Variants in ERC2 observed in about 807,000 individuals in gnomAD.
The protein encoded by ERC2 is ERC protein 2.
ERC2 carries 42 observed loss-of-function variants against 114.8 expected under a neutral mutation model. That is an observed-to-expected ratio of 0.37 (90% CI 0.29 to 0.47). The LOEUF is 0.47. ERC2 is among the 20% of genes least tolerant of loss of function. The pLI, the probability that ERC2 is intolerant of heterozygous loss-of-function variation, is 0.99. For synonymous variants in ERC2, 454 were observed against 425.5 expected (o/e 1.07, Z -0.82); for missense variants, 939 against 1,150.7 (o/e 0.82, Z 2.66).
intron 3 of ERC2, among the ~76,000 whole-genome samples, chr3:56,262,705 C>A (rs1366579409): frequency 6.6e-6 from 1 of 152,216 alleles, no homozygotes; most frequent in Non-Finnish European, 1.5e-5. Context: ...ACACTCATTT[C>A]ATACCATTTA....
intron 3 of ERC2, among the ~76,000 whole-genome samples, chr3:56,278,322 A>C (rs2150314730): frequency 2.0e-5 from 3 of 152,364 alleles, no homozygotes; most frequent in Middle Eastern, 6.8e-3. Flanking sequence ...CCTTTGTCCA[A>C]TCATGCGAAG....
chr3:55,972,624 G>A (rs2069251475), intron 12 of ERC2, among the ~76,000 whole-genome samples: 1 of 152,172 alleles, frequency 6.6e-6, no homozygotes, highest in Admixed American at 6.5e-5. Context: ...TTTTATGGCT[G>A]CATAGTATTC....
At chr3:56,021,352 C>G (rs1269033038) in intron 7 of ERC2, among the ~76,000 whole-genome samples, 1 of 149,048 alleles carries the variant, frequency 6.7e-6, no homozygotes, top group African/African-American at 2.5e-5. Context: ...AATTTTCTAA[C>G]CATGTGGGTT....
intron 2 of ERC2, among the ~76,000 whole-genome samples, chr3:56,332,589 G>A (rs1560609794): frequency 6.6e-6 from 1 of 152,156 alleles, no homozygotes; most frequent in African/African-American, 2.4e-5. Flanking sequence ...ATCAAATATG[G>A]GAGTGGGACA....
At chr3:55,749,567 T>TGCACCAATCAGCGCTCTATAAAAC (rs2066530920) in intron 14 of ERC2, among the ~76,000 whole-genome samples, 1 of 152,098 alleles carries the variant, frequency 6.6e-6, no homozygotes, top group Non-Finnish European at 1.5e-5. Context: ...CTCTGTAAAA[T>TGCACCAATCAGCGCTCTATAAAAC]GCACCAATCA....
At chr3:56,298,335 C>T (rs1413899688) in intron 2 of ERC2, among the ~76,000 whole-genome samples, 2 of 152,148 alleles carry the variant, frequency 1.3e-5, no homozygotes, top group Non-Finnish European at 2.9e-5. Flanking sequence ...ATCTGTACTT[C>T]GTTCCTTTTT....
intron 10 of ERC2, among the ~76,000 whole-genome samples, chr3:55,997,894 T>G (rs1380934822): frequency 3.7e-4 from 20 of 53,706 alleles, no homozygotes; most frequent in African/African-American, 1.1e-3. Context: ...TTTTTTTTTT[T>G]TTTTTTTTTT....
chr3:55,574,318 T>A (rs141941511), intron 17 of ERC2, among the ~76,000 whole-genome samples: 4 of 152,294 alleles, frequency 2.6e-5, no homozygotes, highest in African/African-American at 7.2e-5. Context: ...AATTCCCTAA[T>A]GAAATCTTGG....
intron 8 of ERC2, among the ~76,000 whole-genome samples, chr3:56,012,519 AG>A (rs2149576017): frequency 6.6e-6 from 1 of 152,296 alleles, no homozygotes; most frequent in East Asian, 1.9e-4. Flanking sequence ...AGCAATTAAA[AG>A]AGCTGAAGGA....
At chr3:56,195,207 G>A (rs2048022707) in intron 3 of ERC2, among the ~76,000 whole-genome samples, 1 of 152,126 alleles carries the variant, frequency 6.6e-6, no homozygotes. Flanking sequence ...CACCAAGATG[G>A]CTGGCTACAA....
rs554710532 is a variant in ERC2 at position 56,450,108 on chromosome 3, G to GA, written c.-140-14962dup. 1.8e-3 allele frequency among the ~76,000 whole-genome samples: 274 copies of GA among 152,326 alleles called. 1 individual carries two copies. The highest frequency in any genetic ancestry group is 6.5e-3 in the African/African-American group (270 of 41,574). ...ATGCCATGATGTGAATCAGTAAGGGGAAAGTCCAGCTTAATACAGCAGAGA... is the reference window on the plus strand; with the variant it reads ...ATGCCATGATGTGAATCAGTAAGGGGAAAAGTCCAGCTTAATACAGCAGAGA... On this transcript the variant is annotated intron_variant, in intron 1 of 17. Coordinates refer to ENST00000288221, the MANE Select transcript of ERC2 (RefSeq NM_015576.3).
At chr3:55,515,470 C>G (rs772798044) in intron 17 of ERC2, among the ~76,000 whole-genome samples, 1 of 151,988 alleles carries the variant, frequency 6.6e-6, no homozygotes, top group East Asian at 1.9e-4. Flanking sequence ...CTGGTTCAAG[C>G]GATTCTCCTG....
At chr3:55,849,691 A>C (rs1028136968) in intron 14 of ERC2, among the ~76,000 whole-genome samples, 1 of 152,124 alleles carries the variant, frequency 6.6e-6, no homozygotes. Context: ...TCCAAGGACT[A>C]AGTTGAGGGA....
intron 3 of ERC2, chr3:56,173,854 C>G (rs575061181): frequency 6.4e-4 from 149 of 233,964 alleles, no homozygotes; most frequent in African/African-American, 3.4e-3. Context: ...TTACATTACT[C>G]TGTGCTCCCA....
At chr3:55,625,868 A>G (rs1439321880) in intron 17 of ERC2, among the ~76,000 whole-genome samples, 2 of 152,222 alleles carry the variant, frequency 1.3e-5, no homozygotes, top group South Asian at 4.1e-4. Context: ...TACAGGGCGC[A>G]TTATCCCTTT....
chr3:56,212,466 G>A (rs1314135093), intron 3 of ERC2, among the ~76,000 whole-genome samples: 2 of 152,180 alleles, frequency 1.3e-5, no homozygotes, highest in Non-Finnish European at 1.5e-5. Context: ...AAATGTTGGT[G>A]TGGACGTGGT....
At chr3:56,138,878 G>A (rs1333117472) in intron 6 of ERC2, among the ~76,000 whole-genome samples, 1 of 152,146 alleles carries the variant, frequency 6.6e-6, no homozygotes, top group African/African-American at 2.4e-5. Context: ...ACATATTTTT[G>A]TTGTTCTTCT....
chr3:55,787,016 G>C (rs17055980), intron 14 of ERC2, among the ~76,000 whole-genome samples: 14,116 of 152,196 alleles, frequency 0.093, 1,059 homozygotes, highest in African/African-American at 0.2. Flanking sequence ...GGACAGATAG[G>C]ACCTAGTTTT....
chr3:55,844,155 T>A (rs540137413), intron 14 of ERC2, among the ~76,000 whole-genome samples: 77 of 152,336 alleles, frequency 5.1e-4, no homozygotes, highest in African/African-American at 1.8e-3. Context: ...TGTCTACCAC[T>A]ACTGTTGAAA....
Sources: gnomAD v4.1 joint callset for allele counts (sites outside exome capture counted in the v4.1 genomes callset) on GRCh38, gnomAD v4.1.1 for gene constraint, MANE v1.5 for transcripts, NCBI Gene and HGNC (gene_info 2026-07-23, HGNC 2026-07-21) for gene names.